The following GALNT7 variants were observed in gnomAD, a reference collection of about 807,000 sequenced individuals.
GALNT7 encodes N-acetylgalactosaminyltransferase 7.
Under a neutral mutation model 82.1 loss-of-function variants are expected in GALNT7, and 60 were observed. That is an observed-to-expected ratio of 0.73 (90% confidence interval 0.59 to 0.91). GALNT7 has a LOEUF of 0.91. Among genes scored for constraint, GALNT7 ranks in the 40% least tolerant of loss-of-function variants. The pLI, the probability that GALNT7 is intolerant of heterozygous loss-of-function variation, is 0.00. For synonymous variants in GALNT7, 243 were observed against 275.1 expected (o/e 0.88, Z 1.15); for missense variants, 660 against 804.2 (o/e 0.82, Z 2.17).
At chr4:173,283,635 G>GA (rs201117902) in intron 2 of GALNT7, among the ~76,000 whole-genome samples, 4,233 of 92,634 alleles carry the variant, frequency 0.046, 155 homozygotes, top group African/African-American at 0.11. Context: ...AACTCTGTCT[G>GA]AAAAAAAAAA....
intron 2 of GALNT7, among the ~76,000 whole-genome samples, chr4:173,276,710 G>A (rs1735926179): frequency 6.6e-6 from 1 of 152,146 alleles, no homozygotes; most frequent in Non-Finnish European, 1.5e-5. Context: ...CTTCAAAACT[G>A]TAAGGCATCA....
intron 3 of GALNT7, among the ~76,000 whole-genome samples, chr4:173,293,444 C>A (rs1383879703): frequency 6.6e-6 from 1 of 152,070 alleles, no homozygotes; most frequent in African/African-American, 2.4e-5. Flanking sequence ...TCAGTCCTAT[C>A]CTTAGTAAAA....
chr4:173,310,925 A>G (rs1490769897), intron 8 of GALNT7, among the ~76,000 whole-genome samples: 1 of 152,102 alleles, frequency 6.6e-6, no homozygotes, highest in African/African-American at 2.4e-5. Context: ...TAGTAGAGAC[A>G]GGGTTTCACC....
chr4:173,248,141 G>T lies in GALNT7; in HGVS notation c.288G>T (p.Glu96Asp). Reference sequence around the variant, plus strand: ...TAAACAAGGCCAAAAATGAACAAGAGCACCATGCTGGAGGAGATTCCCAGA... The same window carrying T: ...TAAACAAGGCCAAAAATGAACAAGATCACCATGCTGGAGGAGATTCCCAGA... ...RRINKAKNEQEHHAGGDSQKD... is the reference protein window; with the variant it reads ...RRINKAKNEQDHHAGGDSQKD... The change falls in exon 2 of 12, where the codon GAG (glutamate) becomes GAT (aspartate). Residue 96 changes from glutamate to aspartate, a missense_variant. Glu to Asp is a conservative substitution (Grantham distance 45, BLOSUM62 2). Around this residue, in one of 2 missense-constraint regions of GALNT7, gnomAD observed 133 missense variants for 120.7 expected, o/e 1.10. Coordinates refer to ENST00000265000, the MANE Select transcript of GALNT7 (RefSeq NM_017423.3). 1 of 1,613,866 alleles carries T rather than the reference G, an allele frequency of 6.2e-7. No homozygotes were observed. Among genetic ancestry groups the T allele is most frequent in the South Asian group, 1.1e-5 (1 of 91,070 alleles).
intron 6 of GALNT7, among the ~76,000 whole-genome samples, chr4:173,301,496 A>C (rs1736934238): frequency 6.6e-6 from 1 of 152,194 alleles, no homozygotes; most frequent in Non-Finnish European, 1.5e-5. Context: ...AAATATCTAT[A>C]TCTAATTCTC....
chr4:173,280,257 T>C (rs1306659896), intron 2 of GALNT7, among the ~76,000 whole-genome samples: 2 of 152,216 alleles, frequency 1.3e-5, no homozygotes, highest in African/African-American at 4.8e-5. Context: ...GTGCAGGGAC[T>C]CGCAGCCTCA....
intron 1 of GALNT7, among the ~76,000 whole-genome samples, chr4:173,221,996 C>T (rs372110744): frequency 7.9e-5 from 12 of 152,126 alleles, no homozygotes; most frequent in African/African-American, 2.9e-4. Context: ...AGCCCGAATT[C>T]GATTCAGAAG....
At chr4:173,183,892 GC>G (rs969422336) in intron 1 of GALNT7, among the ~76,000 whole-genome samples, 15 of 151,238 alleles carry the variant, frequency 9.9e-5, no homozygotes, top group Middle Eastern at 3.5e-3. Flanking sequence ...CGGGGCGGCT[GC>G]CGGGTGGAGG....
rs192574459 is a variant in GALNT7 at position 173,194,579 on chromosome 4, C to A, written c.126+25618C>A. Among the ~76,000 whole-genome samples the A allele has an allele frequency of 1.1e-3, 174 of 151,992 alleles. 1 individual carries two copies. Among genetic ancestry groups the A allele is most frequent in the African/African-American group, 3.6e-3 (151 of 41,448 alleles). The stretch of plus-strand genomic sequence containing the variant: ...TGAATCTAAGCAGTTGTTTCAGAGG[C>A]GGTTTCATGTGAGTCTTTGATTAGG... On this transcript the variant is annotated intron_variant, in intron 1 of 11. Transcript: ENST00000265000.
At chr4:173,238,062 C>T (rs1734294396) in intron 1 of GALNT7, among the ~76,000 whole-genome samples, 1 of 152,246 alleles carries the variant, frequency 6.6e-6, no homozygotes, top group Middle Eastern at 3.4e-3. Flanking sequence ...TTCTTATTAT[C>T]CTACTAAGCC....
chr4:173,186,388 A>G (rs1732462648), intron 1 of GALNT7, among the ~76,000 whole-genome samples: 1 of 152,210 alleles, frequency 6.6e-6, no homozygotes, highest in Non-Finnish European at 1.5e-5. Context: ...AGTTTCGCTG[A>G]GTGATTTACT....
Position 173,318,296 on chromosome 4 carries a change from T to G in GALNT7, c.1708-135T>G, listed in dbSNP as rs1216883674. 3 of 632,028 alleles carry G rather than the reference T, an allele frequency of 4.7e-6. No individual in the cohort carries two copies. The South Asian group carries it at 6.0e-5, about 13-fold the overall frequency. The allele number at this position is 632,028 out of a possible 1,614,324, so 39.2% of individuals were successfully genotyped here. On this transcript the variant is annotated intron_variant, in intron 10 of 11. Transcript: ENST00000265000. ...AATAAATATAATTTGTCTGTGGACT[T>G]ACAGTTCTAAACAAAATTATGGAAA...
chr4:173,235,556 C>CTTTTTTT (rs11421248), intron 1 of GALNT7, among the ~76,000 whole-genome samples: 5 of 140,774 alleles, frequency 3.6e-5, no homozygotes, highest in Non-Finnish European at 3.1e-5. Context: ...CTTTTCTTTT[C>CTTTTTTT]TTTTTTTTTT....
At chr4:173,201,644 C>T (rs2126654365) in intron 1 of GALNT7, among the ~76,000 whole-genome samples, 1 of 152,310 alleles carries the variant, frequency 6.6e-6, no homozygotes, top group African/African-American at 2.4e-5. Context: ...TGCCAACTCC[C>T]ATTCAGAGCA....
At chr4:173,169,108 G>A in intron 1 of GALNT7, 147 bp downstream of exon 1, 1 of 572,172 alleles carries the variant, frequency 1.7e-6, no homozygotes, top group Non-Finnish European at 2.6e-6. Context: ...GCGGGCCGAG[G>A]GGGTGCCGAG....
intron 1 of GALNT7, among the ~76,000 whole-genome samples, chr4:173,224,096 TC>T (rs1733724877): frequency 6.6e-6 from 1 of 152,184 alleles, no homozygotes; most frequent in Non-Finnish European, 1.5e-5. Context: ...AAGGAAACCA[TC>T]CTTTTGTCCC....
chr4:173,256,650 G>C (rs1176440201), intron 2 of GALNT7, among the ~76,000 whole-genome samples: 1 of 149,480 alleles, frequency 6.7e-6, no homozygotes. Context: ...TTGCAAAACA[G>C]AGATTGCTAG....
chr4:173,278,417 A>G (rs1302598353), intron 2 of GALNT7, among the ~76,000 whole-genome samples: 1 of 152,228 alleles, frequency 6.6e-6, no homozygotes, highest in Non-Finnish European at 1.5e-5. Context: ...TTGACCTCAT[A>G]TTCCTCCATA....
At chr4:173,240,031 T>C (rs1734369564) in intron 1 of GALNT7, among the ~76,000 whole-genome samples, 1 of 152,148 alleles carries the variant, frequency 6.6e-6, no homozygotes, top group Non-Finnish European at 1.5e-5. Context: ...TAATCTAGAG[T>C]TCCAAAAGAT....
Sources: gnomAD v4.1 joint callset for allele counts (sites outside exome capture counted in the v4.1 genomes callset) on GRCh38, gnomAD v4.1.1 for gene constraint, gnomAD v4.1.1 regional missense constraint, MANE v1.5 for transcripts, NCBI Gene and HGNC (gene_info 2026-07-23, HGNC 2026-07-21) for gene names.